Variants in CTIF observed in about 807,000 individuals in gnomAD.
CTIF encodes the protein cap binding complex dependent translation initiation factor, also known as CBP80/20-dependent translation initiation factor.
A neutral mutation model predicts 66.0 loss-of-function variants in CTIF; 21 were observed. The ratio of observed to expected loss-of-function variants is 0.32; its 90% CI spans 0.23 to 0.46. CTIF has a LOEUF of 0.46. CTIF is among the 20% of genes least tolerant of loss of function. CTIF has a pLI of 1.00. For synonymous variants in CTIF, 345 were observed against 326.4 expected, an observed-to-expected ratio of 1.06 and a Z score of -0.62; for missense variants, 739 against 812.7, an observed-to-expected ratio of 0.91 and a Z score of 1.10.
At chr18:48,828,784 G>A (rs2068633386) in intron 10 of CTIF, among the ~76,000 whole-genome samples, 1 of 152,240 alleles carries the variant, frequency 6.6e-6, no homozygotes, top group Non-Finnish European at 1.5e-5. Context: ...TGCGTTCCCT[G>A]CAGAGGGCAC....
At chr18:48,783,306 C>T (rs780945438) in intron 9 of CTIF, among the ~76,000 whole-genome samples, 2 of 152,170 alleles carry the variant, frequency 1.3e-5, no homozygotes, top group Non-Finnish European at 2.9e-5. Context: ...TCGTCGACTG[C>T]CCTTTCTGGG....
intron 5 of CTIF, among the ~76,000 whole-genome samples, chr18:48,669,793 T>TTATATTTATATATATA (rs2091494659): frequency 4.2e-5 from 2 of 47,252 alleles, no homozygotes; most frequent in African/African-American, 1.7e-4. Flanking sequence ...AGCTAAACAT[T>TTATATTTATATATATA]TATATATATA....
chr18:48,692,663 G>A (rs746099351), intron 6 of CTIF: 2 of 152,224 alleles, frequency 1.3e-5, no homozygotes, highest in Non-Finnish European at 2.9e-5. Flanking sequence ...TCTCCAGCCA[G>A]CTCCCAGGTG....
At chr18:48,785,105 C>A (rs138558785) in intron 9 of CTIF, among the ~76,000 whole-genome samples, 61 of 152,356 alleles carry the variant, frequency 4.0e-4, no homozygotes, top group African/African-American at 1.4e-3. Context: ...TTCCTACCAT[C>A]CCATCTTCCT....
chr18:48,575,187 C>T (rs1452298932), intron 1 of CTIF, among the ~76,000 whole-genome samples: 1 of 152,210 alleles, frequency 6.6e-6, no homozygotes, highest in Non-Finnish European at 1.5e-5. Context: ...TTGAGTCCAG[C>T]CACTTTTGTT....
intron 9 of CTIF, among the ~76,000 whole-genome samples, chr18:48,766,795 G>A (rs1311487130): frequency 3.2e-5 from 3 of 94,562 alleles, no homozygotes; most frequent in African/African-American, 9.4e-5. Flanking sequence ...CAGCTGCTGA[G>A]AACATGCCTT....
At chr18:48,707,553 T>C (rs572745810) in intron 6 of CTIF, among the ~76,000 whole-genome samples, 169 of 148,618 alleles carry the variant, frequency 1.1e-3, no homozygotes, top group African/African-American at 4.2e-3. Context: ...TGTCCTCCTC[T>C]TCTTCTTCTT....
intron 10 of CTIF, among the ~76,000 whole-genome samples, chr18:48,849,335 T>A (rs891982958): frequency 1.3e-5 from 2 of 149,468 alleles, no homozygotes; most frequent in Non-Finnish European, 3.0e-5. Flanking sequence ...GTAGCTAGAA[T>A]TACAGGCGTC....
rs185226445 is a variant in CTIF, at chr18:48,860,894, G to A, written c.*1335G>A. 8 of 152,302 alleles carry A rather than the reference G, an allele frequency of 5.3e-5. No individual in the cohort carries two copies. Among genetic ancestry groups the A allele is most frequent in the Admixed American group, 4.6e-4 (7 of 15,304 alleles). The allele number at this position is 152,302 out of a possible 1,614,324, so 9.4% of individuals were successfully genotyped here. Reference sequence around the variant, plus strand: ...GCCCTGGTCCTGGGGAGCAGGCCCTGTTGTTGGCTGGAGAGGAAGGTGTGG... The same window carrying A: ...GCCCTGGTCCTGGGGAGCAGGCCCTATTGTTGGCTGGAGAGGAAGGTGTGG... On this transcript the variant is annotated 3_prime_UTR_variant, in exon 12 of 12. Coordinates refer to ENST00000256413, the MANE Select transcript of CTIF (RefSeq NM_014772.3).
intron 7 of CTIF, among the ~76,000 whole-genome samples, chr18:48,748,019 T>G (rs753357394): frequency 6.6e-6 from 1 of 152,006 alleles, no homozygotes; most frequent in Non-Finnish European, 1.5e-5. Context: ...GCCAAAGTAA[T>G]GGAGAAAGCA....
chr18:48,615,913 C>T (rs955294149), intron 1 of CTIF, among the ~76,000 whole-genome samples: 64 of 152,204 alleles, frequency 4.2e-4, no homozygotes, highest in East Asian at 1.2e-3. Flanking sequence ...CTTCCTTCCT[C>T]GGGGCACCAA....
intron 2 of CTIF, among the ~76,000 whole-genome samples, chr18:48,626,005 T>G (rs968322574): frequency 6.9e-6 from 1 of 144,088 alleles, no homozygotes; most frequent in Non-Finnish European, 1.5e-5. Context: ...TCTTTCTTTT[T>G]TTTTTTTTTT....
chr18:48,857,782 A>G, intron 11 of CTIF, 141 bp downstream of exon 11: 1 of 643,436 alleles, frequency 1.6e-6, no homozygotes, highest in Non-Finnish European at 2.6e-6. Flanking sequence ...GTGGGCATGG[A>G]CTTCTGCATC....
At chr18:48,759,538 A>C (rs1338848134) in intron 8 of CTIF, among the ~76,000 whole-genome samples, 1 of 152,194 alleles carries the variant, frequency 6.6e-6, no homozygotes, top group Non-Finnish European at 1.5e-5. Context: ...TGGAAACAGC[A>C]CGGGCTTTAG....
At chr18:48,657,158 G>T (rs1352350681) in intron 3 of CTIF, among the ~76,000 whole-genome samples, 2 of 152,144 alleles carry the variant, frequency 1.3e-5, no homozygotes, top group Admixed American at 6.5e-5. Context: ...ATTCTCTGTG[G>T]AATGAAAAGG....
intron 1 of CTIF, among the ~76,000 whole-genome samples, chr18:48,601,723 G>A (rs1288103870): frequency 6.6e-6 from 1 of 152,214 alleles, no homozygotes; most frequent in Non-Finnish European, 1.5e-5. Context: ...TGCATATACT[G>A]ATATGTTCAA....
chr18:48,600,865 A>G (rs901297857), intron 1 of CTIF, among the ~76,000 whole-genome samples: 5 of 152,138 alleles, frequency 3.3e-5, no homozygotes, highest in African/African-American at 9.7e-5. Flanking sequence ...GCCTCCTGCT[A>G]CATCAATCCC....
chr18:48,582,092 G>C lies in CTIF; in HGVS notation c.-28-37446G>C, dbSNP rs112481231. Among the ~76,000 whole-genome samples the C allele has an allele frequency of 8.0e-3, 1,222 of 152,134 alleles. 12 individuals carry two copies. The highest frequency in any genetic ancestry group is 0.019 in the African/African-American group (768 of 41,470). On this transcript the variant is annotated intron_variant, in intron 1 of 11. Coordinates refer to ENST00000256413, the MANE Select transcript of CTIF (RefSeq NM_014772.3). The stretch of plus-strand genomic sequence containing the variant: ...TCTGAGGGGCCGTCTGTTTCAAGAA[G>C]TGGGAGGCGTGGTGGGGTGTGGGGG...
At chr18:48,676,106 T>C (rs2091624664) in intron 6 of CTIF, among the ~76,000 whole-genome samples, 1 of 151,876 alleles carries the variant, frequency 6.6e-6, no homozygotes, top group African/African-American at 2.4e-5. Flanking sequence ...GCGCGACCAG[T>C]GTGAGAAAGA....
Sources: gnomAD v4.1 joint callset for allele counts (sites outside exome capture counted in the v4.1 genomes callset) on GRCh38, gnomAD v4.1.1 for gene constraint, MANE v1.5 for transcripts, NCBI Gene and HGNC (gene_info 2026-07-23, HGNC 2026-07-21) for gene names.